The following HMGB1 variants were observed in gnomAD, a reference collection of about 807,000 sequenced individuals.
HMGB1 encodes high mobility group box 1.
For synonymous variants in HMGB1, 81 were observed against 84.0 expected, an observed-to-expected ratio of 0.96 and a Z score of 0.19; for missense variants, 79 against 253.5, an observed-to-expected ratio of 0.31 and a Z score of 4.67.
chr13:30,498,626 A>AATAATTATT (rs770542433), intron 1 of HMGB1, among the ~76,000 whole-genome samples: 2 of 143,968 alleles, frequency 1.4e-5, no homozygotes, highest in African/African-American at 5.1e-5. Context: ...GGAATCAGCA[A>AATAATTATT]ATTATTATTA....
chr13:30,557,952 C>G lies in HMGB1; in HGVS notation c.-15+58719G>C, dbSNP rs35329994. 5.5e-3 allele frequency among the ~76,000 whole-genome samples: 835 copies of G among 152,264 alleles called. 5 individuals are homozygous for G. The highest frequency in any genetic ancestry group is 7.6e-3 in the Non-Finnish European group (519 of 68,006). On this transcript the variant is annotated intron_variant, in intron 1 of 4. Transcript: ENST00000405805. ...CAGTTATGCCAGTGTCCCTGAGGTT[C>G]CTGTGCTTGGCTCCCTCCTTTTTTC... is the stretch of plus-strand genomic sequence containing the variant.
At chr13:30,581,794 C>A (rs1435339791) in intron 1 of HMGB1, among the ~76,000 whole-genome samples, 1 of 152,200 alleles carries the variant, frequency 6.6e-6, no homozygotes, top group Non-Finnish European at 1.5e-5. Context: ...TCCATTTCCC[C>A]TTGTGAACAA....
chr13:30,613,823 T>C (rs1593348023), intron 1 of HMGB1, among the ~76,000 whole-genome samples: 1 of 152,046 alleles, frequency 6.6e-6, no homozygotes, highest in African/African-American at 2.4e-5. Context: ...AGGGCACAAA[T>C]ATATTCACAT....
chr13:30,465,340 T>TGCG (rs1886709143), intron 1 of HMGB1: 4 of 125,000 alleles, frequency 3.2e-5, no homozygotes, highest in Admixed American at 7.6e-5. Flanking sequence ...CCCGGCTCGC[T>TGCG]GCGGCGGCGG....
chr13:30,483,575 C>T (rs1266237448), intron 1 of HMGB1, among the ~76,000 whole-genome samples: 2 of 151,638 alleles, frequency 1.3e-5, no homozygotes, highest in Non-Finnish European at 2.9e-5. Flanking sequence ...TTAAATAATT[C>T]CTGCATGACT....
intron 1 of HMGB1, among the ~76,000 whole-genome samples, chr13:30,509,925 C>T (rs1251813641): frequency 6.6e-6 from 1 of 152,146 alleles, no homozygotes; most frequent in Non-Finnish European, 1.5e-5. Flanking sequence ...TTAACTCTTA[C>T]CTATAGGCTA....
intron 1 of HMGB1, among the ~76,000 whole-genome samples, chr13:30,512,854 T>G (rs1014991486): frequency 3.3e-5 from 5 of 152,042 alleles, no homozygotes; most frequent in Non-Finnish European, 7.4e-5. Flanking sequence ...CAATACTGAG[T>G]GCACGATTGT....
chr13:30,492,812 G>A (rs1368236536), intron 1 of HMGB1, among the ~76,000 whole-genome samples: 1 of 151,954 alleles, frequency 6.6e-6, no homozygotes, highest in Non-Finnish European at 1.5e-5. Flanking sequence ...CCAACATGGT[G>A]AATCCCTGTC....
intron 4 of HMGB1, 153 bp from the exon 5 acceptor site, chr13:30,461,686 G>C (rs1483379032): frequency 1.3e-6 from 2 of 1,572,350 alleles, no homozygotes; most frequent in Middle Eastern, 1.7e-4. Context: ...GAAATAACTA[G>C]AACTTCAATA....
chr13:30,519,229 T>G (rs1378487886), intron 1 of HMGB1, among the ~76,000 whole-genome samples: 2 of 149,420 alleles, frequency 1.3e-5, no homozygotes, highest in East Asian at 4.0e-4. Context: ...CCCGTCTCTA[T>G]TAAAAATACA....
At chr13:30,555,763 T>C (rs1869659851) in intron 1 of HMGB1, among the ~76,000 whole-genome samples, 1 of 152,232 alleles carries the variant, frequency 6.6e-6, no homozygotes, top group Non-Finnish European at 1.5e-5. Flanking sequence ...AATATCTCAT[T>C]GGAATATGTT....
chr13:30,534,616 CT>C (rs1216929821), intron 1 of HMGB1, among the ~76,000 whole-genome samples: 1,588 of 124,692 alleles, frequency 0.013, 15 homozygotes, highest in African/African-American at 0.041. Context: ...GTTCAAGCTG[CT>C]TTTTTTTTTT....
Position 30,461,769 on chromosome 13 carries a change from G to A in HMGB1, c.472-236C>T, listed in dbSNP as rs1886355828. 12 of 985,204 alleles carry A rather than the reference G, an allele frequency of 1.2e-5. No homozygotes were observed. The East Asian group carries it at 2.4e-4, about 20-fold the overall frequency. The allele number at this position is 985,204 out of a possible 1,614,324, so 61.0% of individuals were successfully genotyped here. A position where few individuals can be genotyped will look rare whatever the true frequency, so the allele number is the denominator to read the frequency against. On this transcript the variant is annotated intron_variant, in intron 4 of 4. Coordinates refer to ENST00000341423, the MANE Select transcript of HMGB1 (RefSeq NM_002128.7). ...AATGGCATAGTCTAATATTTGCAAA[G>A]TTATGCCTCATTGAGGTGCAATTAT...
rs145765713 is a variant in HMGB1 at position 30,594,732 on chromosome 13, T to C, written c.-15+21939A>G. On this transcript the variant is annotated intron_variant, in intron 1 of 4. Coordinates refer to the HMGB1 transcript ENST00000405805. ...TCTGGCAGAATGATTTATTTTCCTG[T>C]GGGTATATACCCAGTAATGGGATTG... is the stretch of plus-strand genomic sequence containing the variant. Among the ~76,000 whole-genome samples the C allele has an allele frequency of 6.4e-4, 98 of 152,354 alleles. 1 individual carries two copies. In the East Asian group the frequency reaches 0.019, roughly 29 times the overall value.
rs1886263868 is a variant in HMGB1 at position 30,460,649 on chromosome 13, T to C, written c.*708A>G. ...TTGATTACTCTTCAGTTTGTAAATGTAAGTGGGCTATGTGAAATTTCTTAA... is the reference window on the plus strand; with the variant it reads ...TTGATTACTCTTCAGTTTGTAAATGCAAGTGGGCTATGTGAAATTTCTTAA... On this transcript the variant is annotated 3_prime_UTR_variant, in exon 5 of 5. Transcript: ENST00000341423. The C allele has an allele frequency of 1.3e-5, 2 of 152,628 alleles. No homozygotes were observed. The highest frequency in any genetic ancestry group is 4.8e-5 in the African/African-American group (2 of 41,468). The allele number at this position is 152,628 out of a possible 1,614,324, so 9.5% of individuals were successfully genotyped here. A position where few individuals can be genotyped will look rare whatever the true frequency, so the allele number is the denominator to read the frequency against.
At chr13:30,465,579 G>A (rs536909464) in intron 1 of HMGB1, among the ~76,000 whole-genome samples, 1 of 150,894 alleles carries the variant, frequency 6.6e-6, no homozygotes, top group East Asian at 2.0e-4. Flanking sequence ...GGCTCCCGGC[G>A]CCTCAGGCTG....
intron 1 of HMGB1, among the ~76,000 whole-genome samples, chr13:30,608,920 G>C (rs889988363): frequency 6.6e-6 from 1 of 152,136 alleles, no homozygotes; most frequent in African/African-American, 2.4e-5. Flanking sequence ...GTATATTTGA[G>C]GTTTAAACTA....
At chr13:30,525,714 A>T (rs1488130179) in intron 1 of HMGB1, among the ~76,000 whole-genome samples, 4 of 63,682 alleles carry the variant, frequency 6.3e-5, no homozygotes, top group Non-Finnish European at 1.8e-4. Context: ...CTCCATTATT[A>T]ACATAAAAAA....
At chr13:30,586,470 G>GT (rs1228323938) in intron 1 of HMGB1, among the ~76,000 whole-genome samples, 104 of 123,260 alleles carry the variant, frequency 8.4e-4, no homozygotes, top group East Asian at 4.8e-3. Flanking sequence ...GAAATCACTG[G>GT]TTTTTTTTGT....
Sources: gnomAD v4.1 joint callset for allele counts (sites outside exome capture counted in the v4.1 genomes callset) on GRCh38, gnomAD v4.1.1 for gene constraint, MANE v1.5 for transcripts, NCBI Gene and HGNC (gene_info 2026-07-23, HGNC 2026-07-21) for gene names.